Variants in CSMD1 observed in about 807,000 individuals in gnomAD.
CSMD1 encodes the protein CUB and sushi domain-containing protein 1.
In CSMD1, 213 loss-of-function variants were observed where a neutral mutation model predicts 417.5. The ratio of observed to expected loss-of-function variants is 0.51; its 90% confidence interval spans 0.46 to 0.57. The LOEUF is 0.57. Ranked by LOEUF, CSMD1 falls within the 20% of genes least tolerant of loss-of-function variation. The pLI is 0.00. For missense variants in CSMD1, 6,923 were observed against 4,529.7 expected, an observed-to-expected ratio of 1.53 and a Z score of -15.17; for synonymous variants, 2,862 against 1,736.8, an observed-to-expected ratio of 1.65 and a Z score of -16.11.
At chr8:4,276,644 A>AT (rs1306804956) in intron 3 of CSMD1, among the ~76,000 whole-genome samples, 1 of 152,336 alleles carries the variant, frequency 6.6e-6, no homozygotes, top group East Asian at 1.9e-4. Flanking sequence ...TGAAGTAGTG[A>AT]TTCAAAGTCT....
chr8:4,109,102 A>G (rs1450140443), intron 3 of CSMD1, among the ~76,000 whole-genome samples: 2 of 152,204 alleles, frequency 1.3e-5, no homozygotes, highest in African/African-American at 2.4e-5. Context: ...CCCTATATAC[A>G]TTAAATCATC....
chr8:4,445,167 A>G (rs777290357), intron 2 of CSMD1, among the ~76,000 whole-genome samples: 7 of 152,196 alleles, frequency 4.6e-5, no homozygotes, highest in Non-Finnish European at 8.8e-5. Context: ...CACTAGAAGA[A>G]TCTGACACCT....
At chr8:4,804,105 A>T (rs890942025) in intron 1 of CSMD1, among the ~76,000 whole-genome samples, 6 of 152,208 alleles carry the variant, frequency 3.9e-5, no homozygotes, top group Non-Finnish European at 8.8e-5. Context: ...CATTAAAATT[A>T]TTTCCACAAT....
intron 6 of CSMD1, among the ~76,000 whole-genome samples, chr8:3,734,512 A>T (rs1796428771): frequency 6.6e-6 from 1 of 152,192 alleles, no homozygotes; most frequent in African/African-American, 2.4e-5. Context: ...GGAGTTCAAG[A>T]CCAACCTAAC....
At position 3,142,492 on chromosome 8, in the gene CSMD1, G is replaced by C. The variant is rs757075719; in HGVS notation, c.6214C>G (p.Arg2072Gly). ...TGGTAAGCAAGTTTAAATCCTTGCC[G>C]GTTTTGCGAATGGTCACTATAAAAG... ...IHFYSDHSQNRQGFKLAYQAY... is the reference protein window; with the variant it reads ...IHFYSDHSQNGQGFKLAYQAY... Residue 2072 changes from arginine (R) to glycine (G), a missense_variant, in exon 41 of 70, where the codon CGG becomes GGG. Coordinates refer to ENST00000635120, the MANE Select transcript of CSMD1 (RefSeq NM_033225.6). 6.2e-7 allele frequency: 1 copy of C among 1,613,750 alleles called. No homozygotes were observed. The highest frequency in any genetic ancestry group is 1.7e-5 in the Admixed American group (1 of 59,986).
intron 3 of CSMD1, among the ~76,000 whole-genome samples, chr8:4,307,618 G>A (rs564660192): frequency 1.2e-4 from 19 of 152,208 alleles, no homozygotes; most frequent in African/African-American, 4.3e-4. Context: ...TGTGAAATAA[G>A]CAAGCTTATC....
At chr8:3,640,530 GA>G (rs1162467071) in intron 7 of CSMD1, among the ~76,000 whole-genome samples, 1 of 152,266 alleles carries the variant, frequency 6.6e-6, no homozygotes, top group African/African-American at 2.4e-5. Context: ...GAAAAATGTG[GA>G]AGCATAAACT....
chr8:4,097,446 T>C (rs1408359231), intron 3 of CSMD1, among the ~76,000 whole-genome samples: 1 of 152,216 alleles, frequency 6.6e-6, no homozygotes, highest in Non-Finnish European at 1.5e-5. Context: ...AAAGCATCTT[T>C]CATTAAAGGG....
At chr8:3,528,074 A>G (rs1162364302) in intron 10 of CSMD1, among the ~76,000 whole-genome samples, 1 of 152,124 alleles carries the variant, frequency 6.6e-6, no homozygotes, top group Non-Finnish European at 1.5e-5. Context: ...CCACCCCCAT[A>G]TAAGAACCAC....
chr8:3,378,610 A>G (rs931722383), intron 18 of CSMD1, among the ~76,000 whole-genome samples: 1 of 152,202 alleles, frequency 6.6e-6, no homozygotes, highest in Non-Finnish European at 1.5e-5. Context: ...AAATCAATAA[A>G]CGTAATCCAT....
intron 29 of CSMD1, among the ~76,000 whole-genome samples, chr8:3,218,804 G>A (rs1462092210): frequency 9.2e-5 from 14 of 151,852 alleles, no homozygotes; most frequent in African/African-American, 2.9e-4. Context: ...CCCGGGAGGC[G>A]GAGGTTGCAG....
chr8:4,034,332 G>C (rs371976190), intron 3 of CSMD1, among the ~76,000 whole-genome samples: 14 of 152,178 alleles, frequency 9.2e-5, no homozygotes, highest in African/African-American at 2.7e-4. Context: ...CATAGTCAAA[G>C]TGTATTCAGT....
chr8:3,879,442 G>A (rs1806057786), intron 5 of CSMD1, among the ~76,000 whole-genome samples: 3 of 152,122 alleles, frequency 2.0e-5, no homozygotes, highest in Admixed American at 2.0e-4. Context: ...CGGTCATTGA[G>A]AACAATGTCC....
intron 1 of CSMD1, among the ~76,000 whole-genome samples, chr8:4,717,576 A>C (rs892852253): frequency 6.6e-6 from 1 of 150,754 alleles, no homozygotes; most frequent in Non-Finnish European, 1.5e-5. Context: ...CCATCCATCC[A>C]TCCATCCATA....
chr8:3,499,760 G>A (rs886736442), intron 10 of CSMD1, among the ~76,000 whole-genome samples: 1 of 151,974 alleles, frequency 6.6e-6, no homozygotes, highest in Non-Finnish European at 1.5e-5. Context: ...TCATAGTCCT[G>A]CATCCTTCTC....
Position 4,810,808 on chromosome 8 carries a change from T to C in CSMD1, c.86-173250A>G, listed in dbSNP as rs542537810. 4.0e-4 allele frequency among the ~76,000 whole-genome samples: 61 copies of C among 152,246 alleles called. 1 individual carries two copies. In the South Asian group the frequency reaches 0.011, roughly 28 times the overall value. On this transcript the variant is annotated intron_variant, in intron 1 of 69. Coordinates refer to ENST00000635120, the MANE Select transcript of CSMD1 (RefSeq NM_033225.6). The stretch of plus-strand genomic sequence containing the variant: ...CATATCACCAATATAATAAATCATA[T>C]AAAGAACGAAGACGAGAACTTTATA...
At chr8:3,070,205 T>C (rs1251207028) in intron 49 of CSMD1, among the ~76,000 whole-genome samples, 1 of 152,214 alleles carries the variant, frequency 6.6e-6, no homozygotes, top group African/African-American at 2.4e-5. Flanking sequence ...CAAGGCCTTT[T>C]CCCCATTGTT....
chr8:4,972,066 C>A (rs13264559), intron 1 of CSMD1, among the ~76,000 whole-genome samples: 103,130 of 151,910 alleles, frequency 0.68, 35,685 homozygotes, highest in Middle Eastern at 0.81. Context: ...AAGAGGTAAG[C>A]GATACCATAC....
At chr8:4,043,435 G>A (rs1215808415) in intron 3 of CSMD1, among the ~76,000 whole-genome samples, 6 of 152,204 alleles carry the variant, frequency 3.9e-5, no homozygotes, top group African/African-American at 1.2e-4. Context: ...CCTGCAAGGT[G>A]CACATCATGA....
Sources: allele counts gnomAD v4.1 joint callset (sites outside exome capture counted in the v4.1 genomes callset), GRCh38; gene constraint gnomAD v4.1.1; transcripts MANE v1.5; gene names NCBI Gene and HGNC (gene_info 2026-07-23, HGNC 2026-07-21).